ALLC: variants seen among roughly 807,000 people sequenced by gnomAD.
ALLC encodes allantoicase, also known as probable inactive allantoicase.
A neutral mutation model predicts 45.0 loss-of-function variants in ALLC; 40 were observed. That is an observed-to-expected ratio of 0.89 (90% CI 0.69 to 1.16). The LOEUF (loss-of-function observed/expected upper bound fraction) is 1.16. Among genes scored for constraint, ALLC ranks in the 50% most tolerant of loss-of-function variants. ALLC has a pLI of 0.00. For missense variants in ALLC, 488 were observed against 493.1 expected (o/e 0.99, Z 0.10); for synonymous variants, 176 against 178.1 (o/e 0.99, Z 0.09).
At chr2:3,661,722 T>C (rs1666582718) in intron 1 of ALLC, among the ~76,000 whole-genome samples, 1 of 152,202 alleles carries the variant, frequency 6.6e-6, no homozygotes, top group South Asian at 2.1e-4. Context: ...TTCTTGGTTG[T>C]TGAGAAGTTT....
intron 3 of ALLC, among the ~76,000 whole-genome samples, chr2:3,677,765 G>A (rs573004793): frequency 6.6e-6 from 1 of 152,346 alleles, no homozygotes; most frequent in Admixed American, 6.5e-5. Flanking sequence ...TGCCTGGGGA[G>A]ATTCCCTAAG....
At position 3,671,184 on chromosome 2, in the gene ALLC, A is replaced by G; in HGVS notation, c.27A>G (p.Gly9=). ...TGGACATGGCATCTGAATCCGTAGGAGGAAAAGTAAGTGGGTCTCTCATGG... is the reference window on the plus strand; with the variant it reads ...TGGACATGGCATCTGAATCCGTAGGGGGAAAAGTAAGTGGGTCTCTCATGG... MDMASESV[G]GKILFATDDF... Residue 9 remains glycine (G), a synonymous_variant, in exon 2 of 12, where the codon GGA becomes GGG. Transcript: ENST00000252505. The G allele has an allele frequency of 6.2e-7, 1 of 1,610,950 alleles. No homozygotes were observed. Among genetic ancestry groups the G allele is most frequent in the Non-Finnish European group, 8.5e-7 (1 of 1,178,748 alleles).
chr2:3,692,316 T>C (rs1228293751), intron 7 of ALLC, among the ~76,000 whole-genome samples: 2 of 152,200 alleles, frequency 1.3e-5, no homozygotes. Context: ...AGAGGAAGAA[T>C]TGTCTTGGGC....
intron 10 of ALLC, among the ~76,000 whole-genome samples, chr2:3,700,712 C>T (rs565263778): frequency 4.6e-5 from 7 of 152,162 alleles, no homozygotes; most frequent in African/African-American, 1.4e-4. Context: ...ATAGAAATAG[C>T]AGCTCTAATG....
chr2:3,695,456 A>G, intron 7 of ALLC: 1 of 423,094 alleles, frequency 2.4e-6, no homozygotes, highest in Non-Finnish European at 4.2e-6. Context: ...AGAGCATGAG[A>G]GGGAAGACTT....
Position 3,682,958 on chromosome 2 carries a change from G to A in ALLC, c.395G>A (p.Trp132Ter), listed in dbSNP as rs745331022. The A allele has an allele frequency of 1.2e-6, 2 of 1,612,772 alleles. No individual in the cohort carries two copies. Among genetic ancestry groups the A allele is most frequent in the East Asian group, 4.5e-5 (2 of 44,868 alleles). Residue 132 changes from tryptophan (W) to a stop codon, truncating the protein, a stop_gained, in exon 7 of 12, where the codon TGG (tryptophan) becomes TAG (stop). Transcript: ENST00000252505. LOFTEE classifies it high-confidence loss of function. ...TATTGCTAGCTAAAATCCGACGACT[G>A]GAGTTACTTGGTTCCCATGACTGAG... The part of the protein sequence containing the change: ...EAIAELKSDD[W>*]SYLVPMTELK...
the ALLC span, among the ~76,000 whole-genome samples, chr2:3,647,774 C>T: frequency 6.6e-6 from 1 of 151,968 alleles, no homozygotes; most frequent in Non-Finnish European, 1.5e-5. Flanking sequence ...TCAGCCTTCA[C>T]TCCCTGGTGA....
upstream of ALLC, among the ~76,000 whole-genome samples, chr2:3,654,807 C>T (rs1339220244): frequency 6.6e-6 from 1 of 152,258 alleles, no homozygotes; most frequent in Non-Finnish European, 1.5e-5. Context: ...GTGTCACAGA[C>T]AGGGCATTTG....
intron 7 of ALLC, among the ~76,000 whole-genome samples, chr2:3,690,733 T>A (rs1667494915): frequency 6.6e-6 from 1 of 152,028 alleles, no homozygotes; most frequent in Non-Finnish European, 1.5e-5. Context: ...CTTCATGTTG[T>A]CTCAATTTGC....
intron 7 of ALLC, chr2:3,688,688 C>A (rs1667395788): frequency 6.4e-6 from 1 of 157,292 alleles, no homozygotes; most frequent in South Asian, 1.7e-4. Context: ...AATGGAGATT[C>A]TAGTGGGCTC....
intron 7 of ALLC, among the ~76,000 whole-genome samples, chr2:3,684,248 ACT>A (rs1667269928): frequency 1.3e-5 from 2 of 151,592 alleles, no homozygotes; most frequent in African/African-American, 2.4e-5. Context: ...CTTTCCCAGC[ACT>A]CTCTGTCTTA....
At chr2:3,649,300 G>A in the ALLC span, among the ~76,000 whole-genome samples, 1 of 150,574 alleles carries the variant, frequency 6.6e-6, no homozygotes, top group African/African-American at 2.5e-5. Flanking sequence ...GGAGTGCAGT[G>A]GTGCGATCTC....
At position 3,680,136 on chromosome 2, in the gene ALLC, G is replaced by A; in HGVS notation, c.298+142G>A. The A allele has an allele frequency of 8.5e-7, 1 of 1,183,104 alleles. No individual in the cohort carries two copies. The highest frequency in any genetic ancestry group is 1.4e-5 in the South Asian group (1 of 69,074). The allele number at this position is 1,183,104 out of a possible 1,614,324, so 73.3% of individuals were successfully genotyped here. On this transcript the variant is annotated intron_variant, in intron 5 of 11. Coordinates refer to ENST00000252505, the MANE Select transcript of ALLC (RefSeq NM_018436.4). This position sits in a 1 kb window ranked among gnomAD's most constrained non-coding sequence, Gnocchi z 4.0. ...ACTAAGGCTACTTTACTGTAACGGG[G>A]CTGTAGGACCAGGACTCCTAGTAGA... is the stretch of plus-strand genomic sequence containing the variant.
chr2:3,690,928 C>A (rs1003798634), intron 7 of ALLC, among the ~76,000 whole-genome samples: 3 of 149,856 alleles, frequency 2.0e-5, no homozygotes, highest in African/African-American at 7.4e-5. Context: ...TTTATAAATT[C>A]AAATGTTTTC....
chr2:3,647,312 C>CACACACACAT, the ALLC span, among the ~76,000 whole-genome samples: 5 of 8,808 alleles, frequency 5.7e-4, no homozygotes, highest in African/African-American at 1.1e-3. Context: ...CACACACTCA[C>CACACACACAT]ACACACACAC....
At chr2:3,676,796 C>CT (rs199816637) in intron 3 of ALLC, among the ~76,000 whole-genome samples, 8,001 of 150,762 alleles carry the variant, frequency 0.053, 252 homozygotes, top group East Asian at 0.11. Context: ...CTCTCTCTCT[C>CT]TTTTTTTTTG....
At chr2:3,667,227 C>G (rs1234527697) in intron 1 of ALLC, among the ~76,000 whole-genome samples, 1 of 152,202 alleles carries the variant, frequency 6.6e-6, no homozygotes, top group African/African-American at 2.4e-5. Flanking sequence ...TTCAGTCCCC[C>G]GCTGCACCTC....
rs992650852 is a variant in ALLC, at chr2:3,680,460, T to C, written c.298+466T>C. Among the ~76,000 whole-genome samples, 1 of 152,086 alleles carries C rather than the reference T, an allele frequency of 6.6e-6. No individual in the cohort carries two copies. The highest frequency in any genetic ancestry group is 1.5e-5 in the Non-Finnish European group (1 of 68,042). ...AAGGGTTCCTATCTGCATCTTGGAATGCTGGACCTATGAATCCTGCAGGCT... is the reference window on the plus strand; with the variant it reads ...AAGGGTTCCTATCTGCATCTTGGAACGCTGGACCTATGAATCCTGCAGGCT... On this transcript the variant is annotated intron_variant, in intron 5 of 11. Transcript: ENST00000252505. This position sits in a 1 kb window ranked among gnomAD's most constrained non-coding sequence, Gnocchi z 4.0.
At chr2:3,663,586 A>G (rs1323362529) in intron 1 of ALLC, among the ~76,000 whole-genome samples, 1 of 138,060 alleles carries the variant, frequency 7.2e-6, no homozygotes, top group Admixed American at 7.0e-5. Context: ...AAAAGTTGGA[A>G]AAAAAAAAAG....
Sources: allele counts gnomAD v4.1 joint callset (sites outside exome capture counted in the v4.1 genomes callset), GRCh38; gene constraint gnomAD v4.1.1; non-coding constraint Gnocchi (gnomAD v3.1); transcripts MANE v1.5; gene names NCBI Gene and HGNC (gene_info 2026-07-23, HGNC 2026-07-21).